Variants in THSD4 observed in about 807,000 individuals in gnomAD.
The protein encoded by THSD4 is thrombospondin type 1 domain containing 4.
In THSD4, 69 loss-of-function variants were observed where a neutral mutation model predicts 119.0. That is an observed-to-expected ratio of 0.58 (90% confidence interval 0.48 to 0.71). THSD4 has a LOEUF of 0.71. Among genes scored for constraint, THSD4 ranks in the 30% least tolerant of loss-of-function variants. The probability of loss-of-function intolerance (pLI) is 0.00; values close to 1 mark genes in which losing one functional copy is unlikely to be tolerated. For synonymous variants in THSD4, 524 were observed against 540.4 expected, an observed-to-expected ratio of 0.97 and a Z score of 0.42; for missense variants, 1,393 against 1,391.1, an observed-to-expected ratio of 1.00 and a Z score of -0.02.
intron 7 of THSD4, among the ~76,000 whole-genome samples, chr15:71,609,767 G>A (rs1459384188): frequency 6.6e-6 from 1 of 151,238 alleles, no homozygotes; most frequent in Admixed American, 6.6e-5. Flanking sequence ...CAGGAGAATG[G>A]CGTGAACCCA....
intron 4 of THSD4, among the ~76,000 whole-genome samples, chr15:71,227,219 T>A (rs539720835): frequency 6.6e-6 from 1 of 152,348 alleles, no homozygotes; most frequent in South Asian, 2.1e-4. Context: ...TCATTAAGTG[T>A]CAGAAGTATT....
chr15:71,273,734 A>C (rs750180730), intron 6 of THSD4, among the ~76,000 whole-genome samples: 1 of 152,192 alleles, frequency 6.6e-6, no homozygotes, highest in African/African-American at 2.4e-5. Context: ...TGGGCGTAGG[A>C]ATCCTCTAAT....
chr15:71,223,471 C>T (rs1027915363), intron 4 of THSD4, among the ~76,000 whole-genome samples: 6 of 152,320 alleles, frequency 3.9e-5, no homozygotes, highest in Non-Finnish European at 5.9e-5. Context: ...AAACACTACC[C>T]GCTGTCATTA....
At chr15:71,384,261 C>T (rs1449034962) in intron 6 of THSD4, among the ~76,000 whole-genome samples, 1 of 152,074 alleles carries the variant, frequency 6.6e-6, no homozygotes, top group East Asian at 1.9e-4. Context: ...GCCTGTAGTC[C>T]CAGCTACTCA....
chr15:71,631,459 G>T lies in THSD4; in HGVS notation c.1153-29071G>T, dbSNP rs187150482. Among the ~76,000 whole-genome samples, 4 of 152,244 alleles carry T rather than the reference G, an allele frequency of 2.6e-5. No homozygotes were observed. The East Asian group carries it at 7.7e-4, about 29-fold the overall frequency. The stretch of plus-strand genomic sequence containing the variant: ...AGTCTCTGTGTTTGCTCTTTTTGTC[G>T]TCTTTAGTGGTTAGTAGAACTCTTA... On this transcript the variant is annotated intron_variant, in intron 7 of 17. Coordinates refer to ENST00000261862, the MANE Select transcript of THSD4 (RefSeq NM_024817.3).
At chr15:71,153,653 C>T (rs907458251) in intron 2 of THSD4, among the ~76,000 whole-genome samples, 16 of 152,144 alleles carry the variant, frequency 1.1e-4, no homozygotes, top group African/African-American at 2.7e-4. Context: ...ACCTAACCCC[C>T]GGCTTCGGGC....
intron 3 of THSD4, chr15:71,186,322 A>C (rs918449745): frequency 6.6e-6 from 1 of 152,170 alleles, no homozygotes; most frequent in Non-Finnish European, 1.5e-5. Context: ...GGGCAGCTGA[A>C]CCTCATTTAC....
At chr15:71,468,070 A>T (rs375513477) in intron 7 of THSD4, among the ~76,000 whole-genome samples, 22 of 152,170 alleles carry the variant, frequency 1.4e-4, no homozygotes, top group East Asian at 9.7e-4. Flanking sequence ...GCTGGTCTCG[A>T]ACTGCTGACC....
chr15:71,180,630 A>G (rs1476481281), intron 3 of THSD4, among the ~76,000 whole-genome samples: 2 of 152,340 alleles, frequency 1.3e-5, no homozygotes, highest in Admixed American at 6.5e-5. Context: ...AACCGAAATA[A>G]TTTCAGAGCC....
chr15:71,746,803 T>G lies in THSD4; in HGVS notation c.2037-35T>G, dbSNP rs756952519. 3.1e-6 allele frequency: 5 copies of G among 1,606,822 alleles called. No individual in the cohort carries two copies. The South Asian group carries it at 5.5e-5, about 18-fold the overall frequency. On this transcript the variant is annotated intron_variant, in intron 12 of 17. Coordinates refer to ENST00000261862, the MANE Select transcript of THSD4 (RefSeq NM_024817.3). ...CGCTGACTTCCTGTTGACTGAAGGT[T>G]GTCTCTCACTCTCGCTCTCTCATTC...
chr15:71,746,783 A>G, intron 12 of THSD4, 55 bp from the exon 13 acceptor site: 1 of 1,581,604 alleles, frequency 6.3e-7, no homozygotes, highest in Middle Eastern at 1.7e-4. Context: ...GCTCACGCTG[A>G]CTTCCTGTTG....
rs1248980542 is a variant in THSD4 at position 71,754,121 on chromosome 15, A to C, written c.2416-3781A>C. 3.8e-5 allele frequency among the ~76,000 whole-genome samples: 5 copies of C among 130,932 alleles called. No homozygotes were observed. The East Asian group carries it at 1.1e-3, about 28-fold the overall frequency. 85.9% of individuals were successfully genotyped at this position (130,932 alleles called of 152,430 possible). On this transcript the variant is annotated intron_variant, in intron 14 of 17. Transcript: ENST00000261862. ...TTTTGAGATGGAGTCTCACTCTGTC[A>C]CCCAGGCTAGAGTACAGTGGCATGA... is the stretch of plus-strand genomic sequence containing the variant.
At chr15:71,660,400 A>C (rs1304774075) in intron 7 of THSD4, 130 bp from the exon 8 acceptor site, 205 of 1,084,502 alleles carry the variant, frequency 1.9e-4, no homozygotes, top group African/African-American at 1.6e-5. Context: ...TGTGGCTCCC[A>C]CCCCACTCCT....
In THSD4 at chr15:71,507,459, T is replaced by A. The variant is rs568443698; in HGVS notation, c.1152+95636T>A. On this transcript the variant is annotated intron_variant, in intron 7 of 17. Transcript: ENST00000261862. ...ACACAAGATTTTTCAGGAAGTATAC[T>A]GAAAGGCCTGTACTTAGTTGTGTGT... Among the ~76,000 whole-genome samples, 85 of 152,316 alleles carry A rather than the reference T, an allele frequency of 5.6e-4. 1 individual carries two copies. Among genetic ancestry groups the A allele is most frequent in the Non-Finnish European group, 1.5e-4 (10 of 68,018 alleles).
chr15:71,607,943 C>T (rs34551533), intron 7 of THSD4, among the ~76,000 whole-genome samples: 24,752 of 151,946 alleles, frequency 0.16, 2,076 homozygotes, highest in Middle Eastern at 0.18. Context: ...ATATACTTAG[C>T]CTGGGCTGGG....
At chr15:71,608,289 G>A (rs1004446819) in intron 7 of THSD4, among the ~76,000 whole-genome samples, 101 of 116,412 alleles carry the variant, frequency 8.7e-4, no homozygotes, top group African/African-American at 2.7e-3. Flanking sequence ...CACACTCATT[G>A]TAGAAAAATG....
chr15:71,439,196 T>A (rs1261375310), intron 7 of THSD4, among the ~76,000 whole-genome samples: 2 of 152,228 alleles, frequency 1.3e-5, no homozygotes, highest in African/African-American at 2.4e-5. Context: ...ATTCAGTAAA[T>A]AGGCGGTATC....
chr15:71,621,188 A>G lies in THSD4; in HGVS notation c.1153-39342A>G, dbSNP rs377709524. 3.9e-5 allele frequency among the ~76,000 whole-genome samples: 6 copies of G among 152,356 alleles called. No homozygotes were observed. The East Asian group carries it at 9.6e-4, about 24-fold the overall frequency. ...TAATGGTAATTTAGATTGCTGTGAA[A>G]TACAATATATAATTAAATGTGTGAG... On this transcript the variant is annotated intron_variant, in intron 7 of 17. Transcript: ENST00000261862.
At chr15:71,267,137 G>A (rs1012915645) in intron 6 of THSD4, among the ~76,000 whole-genome samples, 1 of 152,076 alleles carries the variant, frequency 6.6e-6, no homozygotes, top group Non-Finnish European at 1.5e-5. Context: ...TGCTCGAGAA[G>A]AGCAACCCCA....
Sources: gnomAD v4.1 joint callset for allele counts (sites outside exome capture counted in the v4.1 genomes callset) on GRCh38, gnomAD v4.1.1 for gene constraint, MANE v1.5 for transcripts, NCBI Gene and HGNC (gene_info 2026-07-23, HGNC 2026-07-21) for gene names.